LEPROTL1: variants seen among roughly 807,000 people sequenced by gnomAD.
The protein encoded by LEPROTL1 is leptin receptor overlapping transcript like 1.
LEPROTL1 carries 6 observed loss-of-function variants against 15.4 expected under a neutral mutation model. The observed-to-expected ratio is 0.39, with a 90% confidence interval of 0.21 to 0.77. The LOEUF (loss-of-function observed/expected upper bound fraction) is 0.77. Ranked by LOEUF, LEPROTL1 falls within the 30% of genes least tolerant of loss-of-function variation. The pLI is 0.41. For missense variants in LEPROTL1, 128 were observed against 158.1 expected (o/e 0.81, Z 1.02); for synonymous variants, 56 against 52.6 (o/e 1.06, Z -0.28).
chr8:30,099,681 A>C (rs1802431680), intron 1 of LEPROTL1, among the ~76,000 whole-genome samples: 1 of 151,754 alleles, frequency 6.6e-6, no homozygotes, highest in Non-Finnish European at 1.5e-5. Flanking sequence ...AGCAGGAGTT[A>C]AGTTGGAGGA....
intron 1 of LEPROTL1, among the ~76,000 whole-genome samples, chr8:30,101,139 A>T (rs1265965038): frequency 6.6e-6 from 1 of 152,242 alleles, no homozygotes; most frequent in Non-Finnish European, 1.5e-5. Context: ...TGTATGTGCC[A>T]GAAACAGGAG....
At chr8:30,123,585 C>T (rs915849372) in intron 3 of LEPROTL1, among the ~76,000 whole-genome samples, 3 of 152,132 alleles carry the variant, frequency 2.0e-5, no homozygotes, top group Admixed American at 6.5e-5. Flanking sequence ...ACTAGCATTC[C>T]TCTGTTTCGC....
chr8:30,116,406 G>A (rs1190119606), intron 3 of LEPROTL1, among the ~76,000 whole-genome samples: 4 of 152,110 alleles, frequency 2.6e-5, no homozygotes, highest in Non-Finnish European at 2.9e-5. Context: ...GGATGAAACC[G>A]TTCCACCTCA....
chr8:30,095,965 A>G lies in LEPROTL1; in HGVS notation c.16+437A>G. The G allele has an allele frequency of 4.4e-6, 3 of 684,854 alleles. No homozygotes were observed. The Admixed American group carries it at 6.2e-5, about 14-fold the overall frequency. 42.4% of individuals were successfully genotyped at this position (684,854 alleles called of 1,614,324 possible). On this transcript the variant is annotated intron_variant, in intron 1 of 3. Coordinates refer to ENST00000321250, the MANE Select transcript of LEPROTL1 (RefSeq NM_015344.3). ...TGGAAAACCAGTCATTTCCCACCGAAAGGCACAAGTGCGGTCTGCGGGCGC... is the reference window on the plus strand; with the variant it reads ...TGGAAAACCAGTCATTTCCCACCGAGAGGCACAAGTGCGGTCTGCGGGCGC...
At chr8:30,132,357 C>G in intron 3 of LEPROTL1, 3 of 1,551,776 alleles carry the variant, frequency 1.9e-6, no homozygotes, top group Non-Finnish European at 2.6e-6. Context: ...ACACAGATAT[C>G]CTGTGGGTTC....
chr8:30,100,138 C>G (rs1180264580), intron 1 of LEPROTL1, among the ~76,000 whole-genome samples: 1 of 152,202 alleles, frequency 6.6e-6, no homozygotes, highest in Admixed American at 6.5e-5. Context: ...TTGCCATGAC[C>G]TGCATCAGCG....
chr8:30,100,392 C>A (rs949520990), intron 1 of LEPROTL1, among the ~76,000 whole-genome samples: 11 of 152,136 alleles, frequency 7.2e-5, no homozygotes, highest in Non-Finnish European at 1.5e-4. Flanking sequence ...ATTTTCTTAG[C>A]CACTGTAACT....
At chr8:30,131,500 A>G (rs938531403) in intron 3 of LEPROTL1, among the ~76,000 whole-genome samples, 1 of 152,054 alleles carries the variant, frequency 6.6e-6, no homozygotes, top group African/African-American at 2.4e-5. Flanking sequence ...AATAATGGAT[A>G]TAAGTCTGTA....
intron 3 of LEPROTL1, among the ~76,000 whole-genome samples, chr8:30,123,981 CT>C (rs572784386): frequency 0.027 from 3,668 of 134,994 alleles, 107 homozygotes; most frequent in African/African-American, 0.08. Context: ...GAGGAATAGG[CT>C]TTTTTTTTTT....
chr8:30,119,871 C>A (rs1802801077), intron 3 of LEPROTL1, among the ~76,000 whole-genome samples: 1 of 152,046 alleles, frequency 6.6e-6, no homozygotes, highest in Non-Finnish European at 1.5e-5. Flanking sequence ...GAGTTCAGGA[C>A]CAGCCTGGCC....
chr8:30,129,933 G>A (rs899524290), intron 3 of LEPROTL1, among the ~76,000 whole-genome samples: 2 of 152,032 alleles, frequency 1.3e-5, no homozygotes, highest in Admixed American at 6.6e-5. Flanking sequence ...GAGAAAGAGC[G>A]GGAAGGCGTT....
rs1434411103 is a variant in LEPROTL1, at chr8:30,096,281, A to C, written c.16+753A>C. The C allele has an allele frequency of 5.1e-6, 5 of 978,146 alleles. No homozygotes were observed. In the Admixed American group the frequency reaches 3.1e-4, roughly 60 times the overall value. 60.6% of individuals were successfully genotyped at this position (978,146 alleles called of 1,614,324 possible). ...CTTATTCATGTATTTTCTTTTAAAA[A>C]AAGGAATGTTGCATTTGTTCCACCT... On this transcript the variant is annotated intron_variant, in intron 1 of 3. Transcript: ENST00000321250.
In LEPROTL1 at chr8:30,105,905, TG is replaced by T. The variant is rs767855380; in HGVS notation, c.*44del. ...ATTGTCAAATGGACTTCCTGTCATTTGTTGGCCATTCACGCACACAGGAGAT... is the reference window on the plus strand; with the variant it reads ...ATTGTCAAATGGACTTCCTGTCATTTTTGGCCATTCACGCACACAGGAGAT... On this transcript the variant is annotated 3_prime_UTR_variant, in exon 4 of 4. Transcript: ENST00000321250. 2.0e-5 allele frequency: 29 copies of T among 1,450,902 alleles called. No homozygotes were observed. Among genetic ancestry groups the T allele is most frequent in the Middle Eastern group, 1.9e-4 (1 of 5,382 alleles). The allele number at this position is 1,450,902 out of a possible 1,614,324, so 89.9% of individuals were successfully genotyped here. A position where few individuals can be genotyped will look rare whatever the true frequency, so the allele number is the denominator to read the frequency against.
At chr8:30,096,109 C>G (rs1215778304) in intron 1 of LEPROTL1, 1 of 184,054 alleles carries the variant, frequency 5.4e-6, no homozygotes, top group Non-Finnish European at 1.0e-5. Flanking sequence ...TAGAGTTGAT[C>G]CTGTAGGCGA....
chr8:30,102,595 T>C (rs1585463086), intron 2 of LEPROTL1, among the ~76,000 whole-genome samples: 1 of 150,144 alleles, frequency 6.7e-6, no homozygotes, highest in African/African-American at 2.5e-5. Flanking sequence ...GAGGTTGCGG[T>C]GAGCCAAGAT....
At chr8:30,138,211 C>G, downstream of LEPROTL1, 1 of 206,226 alleles carries the variant, frequency 4.8e-6, no homozygotes, top group Non-Finnish European at 1.0e-5. Flanking sequence ...ATAAAACTGG[C>G]CTGTCTCCCG....
At chr8:30,118,530 G>A (rs1239386345) in intron 3 of LEPROTL1, among the ~76,000 whole-genome samples, 2 of 152,112 alleles carry the variant, frequency 1.3e-5, no homozygotes, top group Non-Finnish European at 2.9e-5. Context: ...TCTCCTGAAG[G>A]AGTGGCCTGC....
intron 3 of LEPROTL1, among the ~76,000 whole-genome samples, chr8:30,127,506 C>T (rs527370745): frequency 2.0e-4 from 31 of 152,086 alleles, no homozygotes; most frequent in Middle Eastern, 3.4e-3. Context: ...GACAGCTGGC[C>T]CCATCCTTGC....
At chr8:30,104,640 A>G (rs904927936) in intron 3 of LEPROTL1, 154 bp downstream of exon 3, 34 of 463,478 alleles carry the variant, frequency 7.3e-5, no homozygotes, top group Middle Eastern at 4.4e-4. Flanking sequence ...TGTTCTTGTT[A>G]ACTAATAAAA....
Sources: gnomAD v4.1 joint callset for allele counts (sites outside exome capture counted in the v4.1 genomes callset) on GRCh38, gnomAD v4.1.1 for gene constraint, MANE v1.5 for transcripts, NCBI Gene and HGNC (gene_info 2026-07-23, HGNC 2026-07-21) for gene names.